TANGO2: variants seen among roughly 807,000 people sequenced by gnomAD.
TANGO2 encodes the protein transport and golgi organization 2 homolog.
Under a neutral mutation model 39.1 loss-of-function variants are expected in TANGO2, and 26 were observed. The observed-to-expected ratio is 0.67, with a 90% confidence interval of 0.49 to 0.92. The LOEUF (loss-of-function observed/expected upper bound fraction) is 0.92. Among genes scored for constraint, TANGO2 ranks in the 40% least tolerant of loss-of-function variants. The probability of loss-of-function intolerance (pLI) is 0.00; values close to 1 mark genes in which losing one functional copy is unlikely to be tolerated. For missense variants in TANGO2, 326 were observed against 360.1 expected, an observed-to-expected ratio of 0.91 and a Z score of 0.77; for synonymous variants, 131 against 144.5, an observed-to-expected ratio of 0.91 and a Z score of 0.67.
At chr22:20,018,214 C>T (rs1945341157), upstream of TANGO2, among the ~76,000 whole-genome samples, 1 of 152,362 alleles carries the variant, frequency 6.6e-6, no homozygotes, top group South Asian at 2.1e-4. Context: ...TACTATCAAT[C>T]GATTGGAGCT....
At chr22:20,061,778 T>C in intron 7 of TANGO2, 95 bp downstream of exon 7, 1 of 1,415,730 alleles carries the variant, frequency 7.1e-7, no homozygotes, top group East Asian at 2.6e-5. Context: ...CCCATGGAAG[T>C]GGCCAGGCTG....
At chr22:20,042,525 A>C (rs1039370233) in intron 2 of TANGO2, among the ~76,000 whole-genome samples, 16 of 152,144 alleles carry the variant, frequency 1.1e-4, no homozygotes, top group African/African-American at 3.9e-4. Flanking sequence ...TCCGCCTCGG[A>C]GGCCGAGGCG....
At chr22:20,061,146 C>T (rs1382822507) in intron 6 of TANGO2, 1 of 167,872 alleles carries the variant, frequency 6.0e-6, no homozygotes, top group Non-Finnish European at 1.3e-5. Context: ...CCTCTGGTGG[C>T]TAATTCTCCC....
intron 3 of TANGO2, among the ~76,000 whole-genome samples, chr22:20,051,138 G>A (rs1316518279): frequency 6.6e-6 from 1 of 151,540 alleles, no homozygotes; most frequent in Admixed American, 6.6e-5. Flanking sequence ...TGGGATTACA[G>A]GTGTGAGTCA....
At chr22:20,049,187 T>C (rs1203283798) in intron 3 of TANGO2, among the ~76,000 whole-genome samples, 2 of 152,192 alleles carry the variant, frequency 1.3e-5, no homozygotes, top group African/African-American at 2.4e-5. Flanking sequence ...CTCTAGTTGT[T>C]CCAGCATCAT....
chr22:20,066,865 T>G lies in TANGO2; in HGVS notation c.*2203T>G, dbSNP rs1013633078. On this transcript the variant is annotated 3_prime_UTR_variant, in exon 9 of 9. Coordinates refer to ENST00000327374, the MANE Select transcript of TANGO2 (RefSeq NM_152906.7). ...CGGCCTGCCCAGGAAGAGCAGTCTC[T>G]GCTCTTGTGTGGGTCCCTCTGCCCC... The G allele has an allele frequency of 2.6e-5, 4 of 152,272 alleles. No homozygotes were observed. The highest frequency in any genetic ancestry group is 5.9e-5 in the Non-Finnish European group (4 of 68,186). The allele number at this position is 152,272 out of a possible 1,614,324, so 9.4% of individuals were successfully genotyped here.
In TANGO2 at chr22:20,061,687, A is replaced by C. The variant is rs1423708403; in HGVS notation, c.605+4A>C. On this transcript the variant is annotated splice_donor_region_variant and intron_variant, in intron 7 of 8. Transcript: ENST00000327374. The stretch of plus-strand genomic sequence containing the variant: ...ATGTGCTCAACAATGAAGAGGCGTG[A>C]GTGGGCGGGTCCTGCTGGGGTGAGC... 1 of 1,546,094 alleles carries C rather than the reference A, an allele frequency of 6.5e-7. No homozygotes were observed. The highest frequency in any genetic ancestry group is 2.0e-5 in the Admixed American group (1 of 50,762).
intron 5 of TANGO2, chr22:20,054,063 A>C (rs2046908877): frequency 2.1e-5 from 6 of 284,680 alleles, no homozygotes; most frequent in South Asian, 1.8e-4. Flanking sequence ...GCCTTCTGCC[A>C]GGACAGGCAA....
chr22:20,024,003 G>A (rs2040244022), intron 1 of TANGO2, among the ~76,000 whole-genome samples: 2 of 152,146 alleles, frequency 1.3e-5, no homozygotes, highest in African/African-American at 4.8e-5. Context: ...CCAACATAGT[G>A]AAACCCCGTC....
intron 4 of TANGO2, 92 bp downstream of exon 4, chr22:20,052,676 C>A: frequency 8.2e-6 from 12 of 1,463,656 alleles, no homozygotes; most frequent in Non-Finnish European, 1.1e-5. Context: ...ACAGGACTGG[C>A]CAATGTATGG....
At chr22:20,029,173 T>C (rs1258652144) in intron 1 of TANGO2, among the ~76,000 whole-genome samples, 2 of 152,196 alleles carry the variant, frequency 1.3e-5, no homozygotes, top group Non-Finnish European at 2.9e-5. Context: ...AGAGGGAGTT[T>C]AGCCCGTTTC....
rs377389807 is a variant in TANGO2 at position 20,039,182 on chromosome 22, C to T, written c.56+2328C>T. Among the ~76,000 whole-genome samples, 3 of 151,228 alleles carry T rather than the reference C, an allele frequency of 2.0e-5. No homozygotes were observed. The East Asian group carries it at 5.9e-4, about 30-fold the overall frequency. ...CTCCTGGGCCCAAGTGATCCTCCTG[C>T]CTCAGCCTCCCAAAATGCTGGGATT... On this transcript the variant is annotated intron_variant, in intron 2 of 8. Coordinates refer to ENST00000327374, the MANE Select transcript of TANGO2 (RefSeq NM_152906.7).
At position 20,064,897 on chromosome 22, in the gene TANGO2, G is replaced by A. The variant is rs17818431; in HGVS notation, c.*235G>A. ...TCTGATACTAGGTCTAGGACCGGCC[G>A]AGGTATACCATGAACATGTGGATAC... On this transcript the variant is annotated 3_prime_UTR_variant, in exon 9 of 9. Transcript: ENST00000327374. 0.14 allele frequency: 76,664 copies of A among 529,430 alleles called. 6,225 individuals carry two copies. The highest frequency in any genetic ancestry group is 0.19 in the Middle Eastern group (371 of 1,960). The allele number at this position is 529,430 out of a possible 1,614,324, so 32.8% of individuals were successfully genotyped here. A position where few individuals can be genotyped will look rare whatever the true frequency, so the allele number is the denominator to read the frequency against.
chr22:20,017,061 C>G (rs1159477982), upstream of TANGO2: 5 of 152,138 alleles, frequency 3.3e-5, no homozygotes, highest in Non-Finnish European at 7.3e-5. Flanking sequence ...GCAGGGTACG[C>G]GGGACCGCTC....
At chr22:20,034,462 G>A (rs75566222) in intron 1 of TANGO2, among the ~76,000 whole-genome samples, 3,089 of 152,244 alleles carry the variant, frequency 0.02, 109 homozygotes, top group African/African-American at 0.07. Flanking sequence ...TAGGATGAAG[G>A]TATCTTTCTC....
At chr22:20,060,367 A>AAG (rs2048157707) in intron 6 of TANGO2, among the ~76,000 whole-genome samples, 1 of 151,226 alleles carries the variant, frequency 6.6e-6, no homozygotes, top group African/African-American at 2.4e-5. Context: ...AAAAAAAAAA[A>AAG]AGAGATCCTC....
At chr22:20,043,262 T>G in intron 2 of TANGO2, 93 bp from the exon 3 acceptor site, 1 of 898,656 alleles carries the variant, frequency 1.1e-6, no homozygotes, top group African/African-American at 1.6e-5. Flanking sequence ...CTGGCCCTTG[T>G]TGCCACTGAG....
intron 1 of TANGO2, among the ~76,000 whole-genome samples, chr22:20,031,627 T>G (rs920148113): frequency 6.6e-6 from 1 of 152,228 alleles, no homozygotes; most frequent in Admixed American, 6.5e-5. Flanking sequence ...TGCCAGTTGC[T>G]TTCAAGATGA....
intron 1 of TANGO2, among the ~76,000 whole-genome samples, chr22:20,025,218 G>A (rs576710810): frequency 6.6e-6 from 1 of 150,676 alleles, no homozygotes; most frequent in Non-Finnish European, 1.5e-5. Flanking sequence ...TCAGCCTCCT[G>A]AGTAGCTGGG....
Sources: allele counts gnomAD v4.1 joint callset (sites outside exome capture counted in the v4.1 genomes callset), GRCh38; gene constraint gnomAD v4.1.1; transcripts MANE v1.5; gene names NCBI Gene and HGNC (gene_info 2026-07-23, HGNC 2026-07-21).